Variants in ZNF177 observed in about 807,000 individuals in gnomAD.
ZNF177 encodes the protein zinc finger protein 177.
ZNF177 carries 17 observed loss-of-function variants against 19.4 expected under a neutral mutation model. The observed-to-expected ratio is 0.87, with a 90% CI of 0.60 to 1.31. ZNF177 has a LOEUF of 1.31. ZNF177 is among the 40% of genes most tolerant of loss of function. The probability of loss-of-function intolerance (pLI) is 0.00; values close to 1 mark genes in which losing one functional copy is unlikely to be tolerated. For synonymous variants in ZNF177, 220 were observed against 188.7 expected (o/e 1.17, Z -1.36); for missense variants, 633 against 561.8 (o/e 1.13, Z -1.28).
chr19:9,381,211 A>G (rs747688447), exon 6 of ZNF177: 1 of 1,614,142 alleles, frequency 6.2e-7, no homozygotes, highest in Non-Finnish European at 8.5e-7. Flanking sequence ...GAAAGCCTTC[A>G]TTTTTCAGTC....
exon 6 of ZNF177, chr19:9,381,010 A>G (rs2068190254): frequency 2.5e-6 from 4 of 1,582,002 alleles, no homozygotes; most frequent in Non-Finnish European, 3.4e-6. Flanking sequence ...GCAAATACCT[A>G]CTGGAGAGAA....
upstream of ZNF177, among the ~76,000 whole-genome samples, chr19:9,375,836 A>G (rs1343623116): frequency 6.6e-6 from 1 of 151,614 alleles, no homozygotes; most frequent in Admixed American, 6.6e-5. Context: ...TGCGATCTTT[A>G]TTATTATTTC....
chr19:9,381,639 C>T lies in ZNF177; in HGVS notation c.1308C>T (p.Ser436=), dbSNP rs772180632. 1.1e-5 allele frequency: 18 copies of T among 1,613,646 alleles called. No homozygotes were observed. In the South Asian group the frequency reaches 1.9e-4, roughly 17 times the overall value. The change falls in exon 6 of 6, where the codon TCC becomes TCT. Residue 436 remains serine, a synonymous_variant. Coordinates refer to ENST00000589262, the Ensembl canonical transcript of ZNF177. Reference sequence around the variant, plus strand: ...AATGTGGGAAGGCCTTTAGGAATTCCTCTTGCCTGAGGGTACACGTGAGAA... The same window carrying T: ...AATGTGGGAAGGCCTTTAGGAATTCTTCTTGCCTGAGGGTACACGTGAGAA...
upstream of ZNF177, among the ~76,000 whole-genome samples, chr19:9,376,067 C>G (rs1468655347): frequency 6.6e-6 from 1 of 152,164 alleles, no homozygotes; most frequent in African/African-American, 2.4e-5. Context: ...TTCTTGTAGG[C>G]AGCATATACC....
rs369856332 is a variant in ZNF177, at chr19:9,367,709, G to A, written c.-305+2761G>A. Among the ~76,000 whole-genome samples the A allele has an allele frequency of 6.6e-4, 100 of 152,092 alleles. 4 individuals carry two copies. In the South Asian group the frequency reaches 0.02, roughly 31 times the overall value. On this transcript the variant is annotated intron_variant, in intron 2 of 8. Coordinates refer to the ZNF177 transcript ENST00000343499. ...TTCTTCCTTTTATACTCTTAATCAC[G>A]GTAATCCCTTTGATAAGTTAAACTG... is the stretch of plus-strand genomic sequence containing the variant.
chr19:9,370,190 AC>A (rs2068029500), intron 2 of ZNF177, among the ~76,000 whole-genome samples: 1 of 152,100 alleles, frequency 6.6e-6, no homozygotes, highest in Admixed American at 6.6e-5. Flanking sequence ...GTAGAATAGT[AC>A]AGTTGTCTCT....
chr19:9,380,466 T>TAG, intron 5 of ZNF177: 2 of 1,024,390 alleles, frequency 2.0e-6, no homozygotes, highest in Non-Finnish European at 2.8e-6. Flanking sequence ...TGGGAAGGAA[T>TAG]AGAGCCTTGG....
At chr19:9,380,569 G>T (rs1478210876) in intron 5 of ZNF177, 99 bp from the exon 8 acceptor site, 1 of 1,534,912 alleles carries the variant, frequency 6.5e-7, no homozygotes, top group Admixed American at 2.0e-5. Context: ...TCATGATCAT[G>T]TGCTTCCTAT....
intron 2 of ZNF177, among the ~76,000 whole-genome samples, chr19:9,369,984 A>G (rs1282576157): frequency 6.6e-6 from 1 of 152,016 alleles, no homozygotes; most frequent in African/African-American, 2.4e-5. Context: ...AATTTTATCC[A>G]TTTTACCTTT....
chr19:9,374,982 C>T (rs2068091992), upstream of ZNF177, among the ~76,000 whole-genome samples: 1 of 152,110 alleles, frequency 6.6e-6, no homozygotes, highest in Non-Finnish European at 1.5e-5. Flanking sequence ...GTTTTGTCAC[C>T]TATGGCCTTT....
chr19:9,363,350 CCTTCT>C (rs754154999), intron 1 of ZNF177: 3 of 152,224 alleles, frequency 2.0e-5, no homozygotes, highest in South Asian at 2.1e-4. Context: ...CTTTCTGTAC[CCTTCT>C]CTTTAAACGT....
upstream of ZNF177, among the ~76,000 whole-genome samples, chr19:9,375,081 T>TG (rs2068092992): frequency 3.6e-5 from 4 of 112,158 alleles, no homozygotes; most frequent in African/African-American, 1.3e-4. Context: ...TGCTTTTTCT[T>TG]CATCTATTCT....
exon 6 of ZNF177, chr19:9,381,348 C>T (rs1466017461): frequency 1.2e-6 from 2 of 1,613,060 alleles, no homozygotes; most frequent in Non-Finnish European, 1.7e-6. Context: ...GAGAGAAACC[C>T]TATGACTGTA....
At chr19:9,378,214 C>CAT (rs1402264957) in intron 1 of ZNF177, 45 bp from the exon 4 acceptor site, 1 of 1,527,242 alleles carries the variant, frequency 6.5e-7, no homozygotes, top group Non-Finnish European at 8.8e-7. Context: ...TAGTGTTGAA[C>CAT]ATCTAGCAGG....
At chr19:9,381,651 G>T in exon 6 of ZNF177, 1 of 1,613,650 alleles carries the variant, frequency 6.2e-7, no homozygotes, top group Non-Finnish European at 8.5e-7. Flanking sequence ...CTTGCCTGAG[G>T]GTACACGTGA....
chr19:9,367,016 TTG>T (rs1165917148), intron 2 of ZNF177, among the ~76,000 whole-genome samples: 2 of 152,230 alleles, frequency 1.3e-5, no homozygotes, highest in Non-Finnish European at 2.9e-5. Flanking sequence ...CATCTTTGAA[TTG>T]TGTTTTCAAA....
chr19:9,380,598 GGA>G (rs1414337358), intron 5 of ZNF177, 68 bp from the exon 8 acceptor site: 1 of 1,535,724 alleles, frequency 6.5e-7, no homozygotes, highest in East Asian at 2.4e-5. Context: ...GAATCCTCAT[GGA>G]AGAGAATTCC....
At chr19:9,378,118 C>A in intron 1 of ZNF177, 141 bp from the exon 4 acceptor site, 1 of 659,616 alleles carries the variant, frequency 1.5e-6, no homozygotes, top group Non-Finnish European at 2.4e-6. Flanking sequence ...TGAGGATATA[C>A]TGTGTTCTTG....
chr19:9,379,182 G>C, intron 3 of ZNF177, 94 bp downstream of exon 5: 4 of 1,463,230 alleles, frequency 2.7e-6, no homozygotes, highest in Non-Finnish European at 3.6e-6. Flanking sequence ...TAGCAATACA[G>C]TGGTTAACCC....
Sources: allele counts gnomAD v4.1 joint callset (sites outside exome capture counted in the v4.1 genomes callset), GRCh38; gene constraint gnomAD v4.1.1; transcripts MANE v1.5; gene names NCBI Gene and HGNC (gene_info 2026-07-23, HGNC 2026-07-21).